The following CSTF3 variants were observed in gnomAD, a reference collection of about 807,000 sequenced individuals.
CSTF3 encodes the protein cleavage stimulation factor subunit 3.
CSTF3 carries 29 observed loss-of-function variants against 105.8 expected under a neutral mutation model. The observed-to-expected ratio is 0.27, with a 90% CI of 0.20 to 0.37. CSTF3 has a LOEUF of 0.37. Among genes scored for constraint, CSTF3 ranks in the 10% least tolerant of loss-of-function variants. CSTF3 has a pLI of 1.00. For missense variants in CSTF3, 357 were observed against 879.3 expected (o/e 0.41, Z 7.51); for synonymous variants, 252 against 281.9 (o/e 0.89, Z 1.06).
At chr11:33,085,604 A>C in intron 20 of CSTF3, 109 bp downstream of exon 20, 1 of 1,003,984 alleles carries the variant, frequency 1.0e-6, no homozygotes, top group East Asian at 2.4e-5. Context: ...ACTGCACTTC[A>C]AATTGGCTGG....
In CSTF3 at chr11:33,096,982, T is replaced by A. The variant is rs765508206; in HGVS notation, c.1129-4A>T. 14 of 1,577,716 alleles carry A rather than the reference T, an allele frequency of 8.9e-6. No individual in the cohort carries two copies. The African/African-American group carries it at 1.1e-4, about 12-fold the overall frequency. ...ATTTCATATATTGGATATATACCTA[T>A]GCAAAAGAAAGTATTTGTGTTCTAT... On this transcript the variant is annotated splice_polypyrimidine_tract_variant and splice_region_variant and intron_variant, in intron 13 of 20. Transcript: ENST00000323959.
At chr11:33,131,889 G>C (rs1041246589) in intron 3 of CSTF3, among the ~76,000 whole-genome samples, 1 of 152,104 alleles carries the variant, frequency 6.6e-6, no homozygotes, top group African/African-American at 2.4e-5. Flanking sequence ...TTTTAAGTGT[G>C]ATAATGGTAT....
chr11:33,148,522 C>T (rs553281298), intron 1 of CSTF3, among the ~76,000 whole-genome samples: 1 of 148,010 alleles, frequency 6.8e-6, no homozygotes, highest in African/African-American at 2.4e-5. Context: ...CACAGTGACA[C>T]CCCGTCTCTA....
intron 3 of CSTF3, chr11:33,136,127 C>T (rs962285448): frequency 6.6e-6 from 1 of 152,376 alleles, no homozygotes; most frequent in Non-Finnish European, 1.5e-5. Context: ...TTATGCTTTC[C>T]TGAGTCTTAG....
intron 15 of CSTF3, among the ~76,000 whole-genome samples, chr11:33,095,550 G>A (rs929204654): frequency 1.3e-5 from 2 of 152,034 alleles, no homozygotes; most frequent in Non-Finnish European, 1.5e-5. Flanking sequence ...GGCCGGGCGC[G>A]GTGGCTCACG....
chr11:33,116,050 A>G (rs997860962), intron 3 of CSTF3, among the ~76,000 whole-genome samples: 2 of 152,238 alleles, frequency 1.3e-5, no homozygotes, highest in African/African-American at 4.8e-5. Flanking sequence ...TCACAGAACT[A>G]CTTGTCAAAA....
chr11:33,122,164 G>A (rs554231443), intron 3 of CSTF3, among the ~76,000 whole-genome samples: 3 of 152,184 alleles, frequency 2.0e-5, no homozygotes, highest in Non-Finnish European at 4.4e-5. Context: ...AAGTGTGCAT[G>A]TTGAAAACCA....
chr11:33,099,733 A>G lies in CSTF3; in HGVS notation c.827-16T>C. Reference sequence around the variant, plus strand: ...GCAAACATAACTAAGGGAAGAAATTAACAAACAATATTCAATTAAAATAAT... The same window carrying G: ...GCAAACATAACTAAGGGAAGAAATTGACAAACAATATTCAATTAAAATAAT... On this transcript the variant is annotated splice_polypyrimidine_tract_variant and intron_variant, in intron 10 of 20. Coordinates refer to ENST00000323959, the MANE Select transcript of CSTF3 (RefSeq NM_001326.3). This position sits in a 1 kb window ranked among gnomAD's most constrained non-coding sequence, Gnocchi z 4.1. The G allele has an allele frequency of 6.9e-7, 1 of 1,450,288 alleles. No homozygotes were observed. Among genetic ancestry groups the G allele is most frequent in the Non-Finnish European group, 9.5e-7 (1 of 1,053,590 alleles). The allele number at this position is 1,450,288 out of a possible 1,614,324, so 89.8% of individuals were successfully genotyped here.
chr11:33,148,951 C>T (rs1855821788), intron 1 of CSTF3, among the ~76,000 whole-genome samples: 2 of 151,526 alleles, frequency 1.3e-5, no homozygotes, highest in South Asian at 4.2e-4. Context: ...CTCAGCCTCC[C>T]ACGTAGCTGG....
At chr11:33,105,482 A>G (rs1258760732) in intron 8 of CSTF3, 85 bp downstream of exon 8, 18 of 1,287,204 alleles carry the variant, frequency 1.4e-5, no homozygotes, top group Non-Finnish European at 1.8e-5. Flanking sequence ...ACACTGATAC[A>G]GAAAGGCTAT....
chr11:33,143,516 G>A (rs934275269), intron 1 of CSTF3, among the ~76,000 whole-genome samples: 3 of 152,146 alleles, frequency 2.0e-5, no homozygotes, highest in East Asian at 1.9e-4. Flanking sequence ...TTGGGAGGCC[G>A]AGGCAGGCAG....
At chr11:33,096,812 T>C (rs201188605) in intron 14 of CSTF3, 23 bp downstream of exon 14, 9 of 1,589,862 alleles carry the variant, frequency 5.7e-6, no homozygotes, top group Non-Finnish European at 1.7e-6. Flanking sequence ...GTTTTATCTT[T>C]ACACTTGTAT....
At chr11:33,108,476 ATT>A in intron 3 of CSTF3, 58 bp from the exon 4 acceptor site, 1 of 1,301,072 alleles carries the variant, frequency 7.7e-7, no homozygotes, top group East Asian at 3.0e-5. Context: ...ATCAGTCTGA[ATT>A]TTTGACCAAT....
intron 1 of CSTF3, among the ~76,000 whole-genome samples, chr11:33,145,642 T>C (rs1855772833): frequency 6.6e-6 from 1 of 151,670 alleles, no homozygotes; most frequent in South Asian, 2.1e-4. Flanking sequence ...TGAAACCCCA[T>C]CTCCACTAAA....
intron 1 of CSTF3, among the ~76,000 whole-genome samples, chr11:33,158,440 C>T (rs2133812245): frequency 6.6e-6 from 1 of 152,284 alleles, no homozygotes; most frequent in South Asian, 2.1e-4. Context: ...TAAACAGACA[C>T]AGACCAACAG....
At chr11:33,160,318 T>C (rs1277076944) in intron 1 of CSTF3, among the ~76,000 whole-genome samples, 1 of 152,156 alleles carries the variant, frequency 6.6e-6, no homozygotes, top group African/African-American at 2.4e-5. Flanking sequence ...TTTTGCCTCA[T>C]CTCTGCCAAC....
chr11:33,108,083 A>G lies in CSTF3; in HGVS notation c.259-83T>C. ...GATGAAATGGAACATTAAAAACACA[A>G]ATTCAGCTCCCTTTATGAATTTATC... On this transcript the variant is annotated intron_variant, in intron 4 of 20. Coordinates refer to ENST00000323959, the MANE Select transcript of CSTF3 (RefSeq NM_001326.3). The G allele has an allele frequency of 4.9e-6, 4 of 810,388 alleles. No individual in the cohort carries two copies. The South Asian group carries it at 8.5e-5, about 17-fold the overall frequency. 50.2% of individuals were successfully genotyped at this position (810,388 alleles called of 1,614,324 possible). A position where few individuals can be genotyped will look rare whatever the true frequency, so the allele number is the denominator to read the frequency against.
intron 1 of CSTF3, among the ~76,000 whole-genome samples, chr11:33,148,400 T>C (rs1200191299): frequency 2.6e-5 from 4 of 152,162 alleles, no homozygotes; most frequent in Admixed American, 2.0e-4. Flanking sequence ...GCAGTCCTAG[T>C]TGAAAACCAT....
chr11:33,120,857 GGTCTTTAT>G (rs2133786657), intron 3 of CSTF3, among the ~76,000 whole-genome samples: 2 of 151,910 alleles, frequency 1.3e-5, no homozygotes, highest in African/African-American at 4.8e-5. Context: ...TTTACAGAAA[GGTCTTTAT>G]GAGTCCTATA....
Sources: gnomAD v4.1 joint callset for allele counts (sites outside exome capture counted in the v4.1 genomes callset) on GRCh38, gnomAD v4.1.1 for gene constraint, Gnocchi (gnomAD v3.1) non-coding constraint, MANE v1.5 for transcripts, NCBI Gene and HGNC (gene_info 2026-07-23, HGNC 2026-07-21) for gene names.